The following KHDRBS2 variants were observed in gnomAD, a reference collection of about 807,000 sequenced individuals.
KHDRBS2 encodes the protein KH RNA binding domain containing, signal transduction associated 2.
In KHDRBS2, 26 loss-of-function variants were observed where a neutral mutation model predicts 44.3. The observed-to-expected ratio is 0.59, with a 90% CI of 0.43 to 0.81. The LOEUF (loss-of-function observed/expected upper bound fraction) is 0.81. Ranked by LOEUF, KHDRBS2 falls within the 40% of genes least tolerant of loss-of-function variation. The pLI, the probability that KHDRBS2 is intolerant of heterozygous loss-of-function variation, is 0.00. For synonymous variants in KHDRBS2, 194 were observed against 151.1 expected, an observed-to-expected ratio of 1.28 and a Z score of -2.08; for missense variants, 476 against 433.1, an observed-to-expected ratio of 1.10 and a Z score of -0.88.
chr6:62,285,480 C>T (rs746217221), intron 1 of KHDRBS2, among the ~76,000 whole-genome samples: 6 of 152,136 alleles, frequency 3.9e-5, no homozygotes, highest in African/African-American at 1.4e-4. Context: ...TCTGTAGCTA[C>T]GAAGCTCTTA....
At chr6:62,080,043 A>C (rs1797095623) in intron 2 of KHDRBS2, among the ~76,000 whole-genome samples, 1 of 152,030 alleles carries the variant, frequency 6.6e-6, no homozygotes. Flanking sequence ...ATATTTATAA[A>C]TAAAATGCAA....
At chr6:61,976,320 C>G (rs1362445584) in intron 4 of KHDRBS2, among the ~76,000 whole-genome samples, 1 of 152,080 alleles carries the variant, frequency 6.6e-6, no homozygotes, top group Non-Finnish European at 1.5e-5. Context: ...CAGCCCTATC[C>G]TCACACAGTA....
intron 3 of KHDRBS2, among the ~76,000 whole-genome samples, chr6:62,045,198 T>G (rs1787412282): frequency 6.6e-6 from 1 of 152,074 alleles, no homozygotes; most frequent in African/African-American, 2.4e-5. Flanking sequence ...GATTGCGAAT[T>G]ACTTTCCAGG....
the KHDRBS2 span, among the ~76,000 whole-genome samples, chr6:61,545,092 TA>T: frequency 1.3e-5 from 2 of 152,084 alleles, no homozygotes; most frequent in African/African-American, 2.4e-5. Flanking sequence ...AAAAAAATTT[TA>T]AAAAAATTTG....
At chr6:62,062,941 G>A (rs904700360) in intron 2 of KHDRBS2, among the ~76,000 whole-genome samples, 11 of 150,298 alleles carry the variant, frequency 7.3e-5, no homozygotes, top group African/African-American at 2.7e-4. Flanking sequence ...AAATGATAAA[G>A]GGGATATCAC....
chr6:62,108,518 C>A (rs932387431), intron 2 of KHDRBS2, among the ~76,000 whole-genome samples: 104 of 152,236 alleles, frequency 6.8e-4, no homozygotes, highest in African/African-American at 2.0e-3. Flanking sequence ...ACTAGTTCAA[C>A]CATCGTGGAA....
chr6:61,964,348 C>G (rs137981257), intron 4 of KHDRBS2, among the ~76,000 whole-genome samples: 1 of 151,976 alleles, frequency 6.6e-6, no homozygotes, highest in Non-Finnish European at 1.5e-5. Context: ...AATGACGGCA[C>G]AAGCAATCGC....
chr6:62,273,776 G>A (rs1461952595), intron 1 of KHDRBS2, among the ~76,000 whole-genome samples: 3 of 152,048 alleles, frequency 2.0e-5, no homozygotes, highest in African/African-American at 7.2e-5. Flanking sequence ...TCCCTTCAGT[G>A]TGTATCCAAC....
At chr6:61,662,630 C>T in the KHDRBS2 span, among the ~76,000 whole-genome samples, 5 of 151,964 alleles carry the variant, frequency 3.3e-5, no homozygotes, top group Non-Finnish European at 7.4e-5. Context: ...ATTTATGCAG[C>T]CAAAAAACAC....
intron 3 of KHDRBS2, among the ~76,000 whole-genome samples, chr6:62,009,573 C>A (rs910378558): frequency 6.6e-6 from 1 of 152,144 alleles, no homozygotes; most frequent in Admixed American, 6.6e-5. Flanking sequence ...TCATGGCAGC[C>A]GCTCCCATCA....
chr6:61,656,778 C>T, the KHDRBS2 span, among the ~76,000 whole-genome samples: 2 of 151,854 alleles, frequency 1.3e-5, no homozygotes, highest in Admixed American at 6.6e-5. Context: ...ATTAAAATTA[C>T]GGTTGTATTC....
chr6:61,581,531 T>C, the KHDRBS2 span, among the ~76,000 whole-genome samples: 3,628 of 148,012 alleles, frequency 0.025, 69 homozygotes, highest in Middle Eastern at 0.086. Flanking sequence ...ATATAGATTA[T>C]AATATAATAT....
the KHDRBS2 span, among the ~76,000 whole-genome samples, chr6:61,622,145 T>C: frequency 6.6e-6 from 1 of 152,218 alleles, no homozygotes; most frequent in Non-Finnish European, 1.5e-5. Flanking sequence ...GCTAAGCTTA[T>C]TGTAATTTAT....
intron 2 of KHDRBS2, among the ~76,000 whole-genome samples, chr6:62,143,894 T>C (rs2150100314): frequency 6.6e-6 from 1 of 152,022 alleles, no homozygotes; most frequent in East Asian, 1.9e-4. Context: ...TTTATCCTTT[T>C]GAAATTTATG....
the KHDRBS2 span, among the ~76,000 whole-genome samples, chr6:61,595,273 G>A: frequency 6.6e-6 from 1 of 152,064 alleles, no homozygotes; most frequent in African/African-American, 2.4e-5. Flanking sequence ...TCAGGCCCAT[G>A]TTTATTGCAA....
At chr6:61,607,584 T>G in the KHDRBS2 span, among the ~76,000 whole-genome samples, 1 of 129,600 alleles carries the variant, frequency 7.7e-6, no homozygotes, top group East Asian at 2.3e-4. Flanking sequence ...TGCCAAAGAT[T>G]AAAAAAATCT....
At chr6:62,089,934 T>C (rs1799183588) in intron 2 of KHDRBS2, among the ~76,000 whole-genome samples, 2 of 151,990 alleles carry the variant, frequency 1.3e-5, no homozygotes, top group African/African-American at 4.8e-5. Flanking sequence ...TGAAGTACAG[T>C]AAATAGTGAA....
At chr6:61,857,208 G>A (rs550522796) in intron 6 of KHDRBS2, among the ~76,000 whole-genome samples, 1 of 151,890 alleles carries the variant, frequency 6.6e-6, no homozygotes, top group South Asian at 2.1e-4. Flanking sequence ...TATTTCATCA[G>A]TAAATGGGAA....
intron 7 of KHDRBS2, among the ~76,000 whole-genome samples, chr6:61,718,832 T>C (rs1158074382): frequency 1.3e-5 from 2 of 152,112 alleles, no homozygotes; most frequent in African/African-American, 2.4e-5. Context: ...GTGGTACTCG[T>C]CCACTGAAAA....
Sources: allele counts gnomAD v4.1 joint callset (sites outside exome capture counted in the v4.1 genomes callset), GRCh38; gene constraint gnomAD v4.1.1; transcripts MANE v1.5; gene names NCBI Gene and HGNC (gene_info 2026-07-23, HGNC 2026-07-21).